SYNDIG1L: variants seen among roughly 807,000 people sequenced by gnomAD.
SYNDIG1L encodes synapse differentiation-inducing gene protein 1-like.
In SYNDIG1L, 13 loss-of-function variants were observed where a neutral mutation model predicts 20.1. The observed-to-expected ratio is 0.65, with a 90% CI of 0.42 to 1.03. The LOEUF (loss-of-function observed/expected upper bound fraction) is 1.03. Ranked by LOEUF, SYNDIG1L falls within the 50% of genes least tolerant of loss-of-function variation. The pLI is 0.00. For synonymous variants in SYNDIG1L, 128 were observed against 129.3 expected, an observed-to-expected ratio of 0.99 and a Z score of 0.07; for missense variants, 294 against 305.1, an observed-to-expected ratio of 0.96 and a Z score of 0.27.
the SYNDIG1L span, among the ~76,000 whole-genome samples, chr14:74,443,843 G>A: frequency 1.3e-5 from 2 of 152,144 alleles, no homozygotes; most frequent in Non-Finnish European, 2.9e-5. Context: ...CATTAGGTTA[G>A]GAGTGAGGGG....
intron 1 of SYNDIG1L, among the ~76,000 whole-genome samples, chr14:74,417,176 C>A (rs2086183824): frequency 6.6e-6 from 1 of 152,174 alleles, no homozygotes; most frequent in Admixed American, 6.5e-5. Context: ...AGTGGCAGAG[C>A]TCTATTTGAC....
the SYNDIG1L span, among the ~76,000 whole-genome samples, chr14:74,471,362 T>C: frequency 6.6e-6 from 1 of 152,100 alleles, no homozygotes; most frequent in Non-Finnish European, 1.5e-5. Flanking sequence ...TTTGTGAGGC[T>C]GAAGCGGGTG....
chr14:74,436,165 G>T, the SYNDIG1L span, among the ~76,000 whole-genome samples: 1 of 151,910 alleles, frequency 6.6e-6, no homozygotes, highest in Admixed American at 6.6e-5. Flanking sequence ...ACAAGTCTGG[G>T]TTCTCCAGAG....
upstream of SYNDIG1L, among the ~76,000 whole-genome samples, chr14:74,427,002 A>G (rs1048971117): frequency 6.6e-6 from 1 of 152,046 alleles, no homozygotes; most frequent in Non-Finnish European, 1.5e-5. Flanking sequence ...ATAGGCACTC[A>G]GTGAGTGAGC....
At chr14:74,420,231 T>C (rs1427104837) in intron 1 of SYNDIG1L, among the ~76,000 whole-genome samples, 1 of 151,852 alleles carries the variant, frequency 6.6e-6, no homozygotes, top group East Asian at 1.9e-4. Context: ...ACCCCATCTC[T>C]ACTAACAACA....
chr14:74,437,592 C>G, the SYNDIG1L span, among the ~76,000 whole-genome samples: 1 of 152,138 alleles, frequency 6.6e-6, no homozygotes, highest in East Asian at 1.9e-4. Flanking sequence ...ATTCAAAGTA[C>G]CTGCCAGGCT....
At chr14:74,440,223 C>CA in the SYNDIG1L span, among the ~76,000 whole-genome samples, 130 of 149,686 alleles carry the variant, frequency 8.7e-4, no homozygotes, top group African/African-American at 2.9e-3. Context: ...ACTAAAAATA[C>CA]AAAAAATTAA....
the SYNDIG1L span, chr14:74,479,639 T>C: frequency 6.2e-6 from 1 of 162,498 alleles, no homozygotes; most frequent in Admixed American, 5.9e-5. Context: ...CCCTAACCCC[T>C]ACCTGCCCTC....
At chr14:74,426,424 T>C (rs1043981060), upstream of SYNDIG1L, among the ~76,000 whole-genome samples, 60 of 152,092 alleles carry the variant, frequency 3.9e-4, no homozygotes, top group Non-Finnish European at 7.6e-4. Flanking sequence ...ACCCGCTTCC[T>C]GGAGCCGAGC....
At chr14:74,434,435 T>A in the SYNDIG1L span, among the ~76,000 whole-genome samples, 1 of 152,030 alleles carries the variant, frequency 6.6e-6, no homozygotes, top group South Asian at 2.1e-4. Context: ...ATGTTCTCCT[T>A]ACAGCCCTAG....
rs1186585178 is a variant in SYNDIG1L at position 74,406,082 on chromosome 14, C to T, written c.*1453G>A. 3 of 398,478 alleles carry T rather than the reference C, an allele frequency of 7.5e-6. No individual in the cohort carries two copies. Among genetic ancestry groups the T allele is most frequent in the Non-Finnish European group, 1.3e-5 (3 of 226,116 alleles). 24.7% of individuals were successfully genotyped at this position (398,478 alleles called of 1,614,324 possible). ...GGGCATGGGAATGACCAGGTTCCCA[C>T]ATCATGCACAGCAGGGGCCTGTAGC... On this transcript the variant is annotated 3_prime_UTR_variant, in exon 4 of 4. Transcript: ENST00000331628.
chr14:74,463,674 G>T, the SYNDIG1L span, among the ~76,000 whole-genome samples: 1 of 152,142 alleles, frequency 6.6e-6, no homozygotes, highest in African/African-American at 2.4e-5. Context: ...AAGCCTAAGG[G>T]GTGATTTGAT....
intron 1 of SYNDIG1L, among the ~76,000 whole-genome samples, chr14:74,412,585 G>A (rs555480550): frequency 6.6e-6 from 1 of 152,312 alleles, no homozygotes; most frequent in African/African-American, 2.4e-5. Flanking sequence ...CCTTTTGAGG[G>A]TCGGGGGTAG....
At chr14:74,423,512 GA>G (rs922400315) in intron 1 of SYNDIG1L, among the ~76,000 whole-genome samples, 17 of 152,198 alleles carry the variant, frequency 1.1e-4, no homozygotes, top group African/African-American at 3.9e-4. Context: ...ATGACGTGAG[GA>G]GGGGGGACTG....
chr14:74,415,774 C>G (rs571648165), intron 1 of SYNDIG1L, among the ~76,000 whole-genome samples: 1 of 152,142 alleles, frequency 6.6e-6, no homozygotes, highest in Admixed American at 6.5e-5. Context: ...CTCCTGGGCT[C>G]AAGCGACCCT....
At chr14:74,424,325 C>T (rs1020291305) in intron 1 of SYNDIG1L, among the ~76,000 whole-genome samples, 5 of 152,166 alleles carry the variant, frequency 3.3e-5, no homozygotes, top group Non-Finnish European at 7.3e-5. Context: ...GAACACAGGG[C>T]TTCTGACTCC....
At chr14:74,469,726 C>T in the SYNDIG1L span, among the ~76,000 whole-genome samples, 1 of 152,192 alleles carries the variant, frequency 6.6e-6, no homozygotes, top group African/African-American at 2.4e-5. Flanking sequence ...GCTCAGCACA[C>T]AGTTCTGACC....
chr14:74,474,957 A>G, the SYNDIG1L span: 2 of 152,212 alleles, frequency 1.3e-5, no homozygotes, highest in Admixed American at 1.3e-4. Context: ...GGTAGTCTCT[A>G]TTCTCAAGAT....
the SYNDIG1L span, among the ~76,000 whole-genome samples, chr14:74,442,164 C>A: frequency 6.6e-6 from 1 of 151,912 alleles, no homozygotes; most frequent in African/African-American, 2.4e-5. Context: ...GAATGTTCAC[C>A]GTGAGCCAGG....
Sources: allele counts gnomAD v4.1 joint callset (sites outside exome capture counted in the v4.1 genomes callset), GRCh38; gene constraint gnomAD v4.1.1; transcripts MANE v1.5; gene names NCBI Gene and HGNC (gene_info 2026-07-23, HGNC 2026-07-21).